SPON1: variants seen among roughly 807,000 people sequenced by gnomAD.
SPON1 encodes the protein spondin-1.
Under a neutral mutation model 111.7 loss-of-function variants are expected in SPON1, and 52 were observed. The ratio of observed to expected loss-of-function variants is 0.47; its 90% CI spans 0.37 to 0.59. The LOEUF (loss-of-function observed/expected upper bound fraction) is 0.59. SPON1 is among the 20% of genes least tolerant of loss of function. SPON1 has a pLI of 0.00. For synonymous variants in SPON1, 410 were observed against 395.8 expected (o/e 1.04, Z -0.43); for missense variants, 957 against 1,068.5 (o/e 0.90, Z 1.46).
intron 6 of SPON1, among the ~76,000 whole-genome samples, chr11:14,238,699 G>A (rs1848892160): frequency 6.6e-6 from 1 of 152,180 alleles, no homozygotes; most frequent in South Asian, 2.1e-4. Flanking sequence ...TGGCCTGTTA[G>A]GGGATATGCT....
intron 6 of SPON1, among the ~76,000 whole-genome samples, chr11:14,145,295 C>A (rs1398414977): frequency 6.6e-6 from 1 of 152,114 alleles, no homozygotes; most frequent in East Asian, 1.9e-4. Context: ...TACTTCTTAA[C>A]CTCTACAGTT....
intron 2 of SPON1, among the ~76,000 whole-genome samples, chr11:14,003,919 A>G (rs1382326702): frequency 3.9e-5 from 6 of 151,990 alleles, no homozygotes; most frequent in Non-Finnish European, 8.8e-5. Flanking sequence ...TTTGACTTAC[A>G]TCTTCCTATT....
At chr11:14,051,417 T>C (rs1848706411) in intron 3 of SPON1, among the ~76,000 whole-genome samples, 1 of 151,896 alleles carries the variant, frequency 6.6e-6, no homozygotes. Context: ...GAGCCTATAG[T>C]CCCAGCTACT....
chr11:13,999,401 C>G (rs1848298476), intron 2 of SPON1, among the ~76,000 whole-genome samples: 2 of 151,410 alleles, frequency 1.3e-5, no homozygotes, highest in Admixed American at 1.3e-4. Context: ...GCTCTTGATA[C>G]ACATTGCTGT....
Position 14,005,092 on chromosome 11 carries a change from A to G in SPON1, c.345+22139A>G, listed in dbSNP as rs374771013. Among the ~76,000 whole-genome samples, 5 of 151,988 alleles carry G rather than the reference A, an allele frequency of 3.3e-5. No individual in the cohort carries two copies. The East Asian group carries it at 9.6e-4, about 29-fold the overall frequency. On this transcript the variant is annotated intron_variant, in intron 2 of 15. Transcript: ENST00000576479. ...TTTTTAGTTTCATGTAGTTCCATTTATTTATTTTATTTTTGTAGCATGAAC... is the reference window on the plus strand; with the variant it reads ...TTTTTAGTTTCATGTAGTTCCATTTGTTTATTTTATTTTTGTAGCATGAAC...
At chr11:14,185,028 C>T (rs372602022) in intron 6 of SPON1, among the ~76,000 whole-genome samples, 23 of 152,346 alleles carry the variant, frequency 1.5e-4, no homozygotes, top group African/African-American at 5.5e-4. Context: ...ATACCCAGCT[C>T]TCCTGTGTAA....
intron 6 of SPON1, among the ~76,000 whole-genome samples, chr11:14,176,109 G>A (rs782093044): frequency 2.0e-5 from 3 of 152,004 alleles, no homozygotes; most frequent in South Asian, 2.1e-4. Flanking sequence ...CAGGCACTCC[G>A]AGACAGGCCT....
chr11:14,171,085 G>A (rs1418633231), intron 6 of SPON1, among the ~76,000 whole-genome samples: 2 of 152,144 alleles, frequency 1.3e-5, no homozygotes, highest in African/African-American at 4.8e-5. Context: ...GCTCCTCCTT[G>A]TACCTCTGGT....
intron 2 of SPON1, among the ~76,000 whole-genome samples, chr11:14,006,582 G>T (rs79273816): frequency 6.6e-6 from 1 of 152,136 alleles, no homozygotes; most frequent in African/African-American, 2.4e-5. Flanking sequence ...TTGGTCGCAC[G>T]TGGTGGACCG....
intron 5 of SPON1, among the ~76,000 whole-genome samples, chr11:14,118,970 T>C (rs1849284996): frequency 6.6e-6 from 1 of 152,184 alleles, no homozygotes; most frequent in African/African-American, 2.4e-5. Context: ...ACATGCTCAA[T>C]AATAAATGGC....
At chr11:14,246,962 G>C (rs1391876354) in intron 7 of SPON1, among the ~76,000 whole-genome samples, 1 of 152,206 alleles carries the variant, frequency 6.6e-6, no homozygotes, top group Non-Finnish European at 1.5e-5. Context: ...AGACCATCAT[G>C]TATCTGCAAA....
At chr11:14,145,789 G>T (rs1220448359) in intron 6 of SPON1, among the ~76,000 whole-genome samples, 3 of 152,198 alleles carry the variant, frequency 2.0e-5, no homozygotes, top group African/African-American at 7.2e-5. Context: ...TTCATCAATA[G>T]GGGTCATATT....
chr11:14,099,251 T>C (rs935966186), intron 5 of SPON1, among the ~76,000 whole-genome samples: 15 of 152,228 alleles, frequency 9.9e-5, no homozygotes, highest in Non-Finnish European at 1.5e-5. Flanking sequence ...ATTTCCTGGC[T>C]AAATTTACCC....
At chr11:14,223,403 T>C (rs1554937786) in intron 6 of SPON1, among the ~76,000 whole-genome samples, 1 of 152,134 alleles carries the variant, frequency 6.6e-6, no homozygotes, top group Non-Finnish European at 1.5e-5. Context: ...ACTGCAAGAT[T>C]GGCAAAATTG....
At chr11:13,970,415 C>G (rs1848053627) in intron 1 of SPON1, among the ~76,000 whole-genome samples, 1 of 152,218 alleles carries the variant, frequency 6.6e-6, no homozygotes, top group South Asian at 2.1e-4. Flanking sequence ...CTTGAACCCT[C>G]TCTACAGTTG....
At chr11:13,984,948 A>G (rs1848171168) in intron 2 of SPON1, among the ~76,000 whole-genome samples, 1 of 152,196 alleles carries the variant, frequency 6.6e-6, no homozygotes, top group African/African-American at 2.4e-5. Flanking sequence ...TCCTCCTCTT[A>G]GAGCTTCAGA....
intron 2 of SPON1, among the ~76,000 whole-genome samples, chr11:14,005,102 T>G (rs7120104): frequency 0.03 from 4,620 of 152,334 alleles, 245 homozygotes; most frequent in African/African-American, 0.1. Flanking sequence ...ATTTATTTTA[T>G]TTTTGTAGCA....
chr11:13,962,749 A>G lies in SPON1; in HGVS notation c.-156A>G. Reference sequence around the variant, plus strand: ...GCTCAGCGCAGCTCCGCGGCCGCCAAGCCGAGGCGGGCACGGTCTCCGAGT... The same window carrying G: ...GCTCAGCGCAGCTCCGCGGCCGCCAGGCCGAGGCGGGCACGGTCTCCGAGT... On this transcript the variant is annotated 5_prime_UTR_variant, in exon 1 of 16. Coordinates refer to ENST00000576479, the MANE Select transcript of SPON1 (RefSeq NM_006108.4). The G allele has an allele frequency of 1.5e-6, 1 of 670,180 alleles. No individual in the cohort carries two copies. Among genetic ancestry groups the G allele is most frequent in the Admixed American group, 3.8e-5 (1 of 26,212 alleles). 41.5% of individuals were successfully genotyped at this position (670,180 alleles called of 1,614,324 possible). A position where few individuals can be genotyped will look rare whatever the true frequency, so the allele number is the denominator to read the frequency against.
chr11:14,092,939 A>G (rs1849070813), intron 5 of SPON1, among the ~76,000 whole-genome samples: 1 of 152,176 alleles, frequency 6.6e-6, no homozygotes, highest in Non-Finnish European at 1.5e-5. Context: ...TTAGGAGGCC[A>G]TCAATCTTCT....
Sources: gnomAD v4.1 joint callset for allele counts (sites outside exome capture counted in the v4.1 genomes callset) on GRCh38, gnomAD v4.1.1 for gene constraint, MANE v1.5 for transcripts, NCBI Gene and HGNC (gene_info 2026-07-23, HGNC 2026-07-21) for gene names.